The following SPATA7 variants were observed in gnomAD, a reference collection of about 807,000 sequenced individuals.
The protein encoded by SPATA7 is spermatogenesis-associated protein 7.
A neutral mutation model predicts 51.8 loss-of-function variants in SPATA7; 43 were observed. The observed-to-expected ratio is 0.83, with a 90% CI of 0.65 to 1.07. SPATA7 has a LOEUF of 1.07. Among genes scored for constraint, SPATA7 ranks in the 50% least tolerant of loss-of-function variants. The pLI is 0.00. For synonymous variants in SPATA7, 230 were observed against 252.8 expected (o/e 0.91, Z 0.86); for missense variants, 683 against 701.3 (o/e 0.97, Z 0.30).
intron 3 of SPATA7, among the ~76,000 whole-genome samples, chr14:88,447,564 A>C (rs542737744): frequency 6.6e-6 from 1 of 152,214 alleles, no homozygotes; most frequent in East Asian, 1.9e-4. Context: ...TAGTTGATGT[A>C]GTTTCTTCGT....
In SPATA7 at chr14:88,430,624, A is replaced by C. The variant is rs771568390; in HGVS notation, c.1029-548A>C. ...ATACATTAACCTTAGTCAAATTGTC[A>C]TTGTTTATACTAGAGAAGTGCCGTA... On this transcript the variant is annotated intron_variant, in intron 8 of 11. Coordinates refer to ENST00000393545, the MANE Select transcript of SPATA7 (RefSeq NM_018418.5). Among the ~76,000 whole-genome samples, 4 of 152,266 alleles carry C rather than the reference A, an allele frequency of 2.6e-5. No individual in the cohort carries two copies. The East Asian group carries it at 7.7e-4, about 29-fold the overall frequency.
In SPATA7 at chr14:88,385,662, A is replaced by T. The variant is rs2139845234; in HGVS notation, c.-157A>T. 1 of 746,102 alleles carries T rather than the reference A, an allele frequency of 1.3e-6. No homozygotes were observed. The highest frequency in any genetic ancestry group is 2.7e-5 in the East Asian group (1 of 37,370). 46.2% of individuals were successfully genotyped at this position (746,102 alleles called of 1,614,324 possible). ...TGACGTCACAATAGCGACTCACTGGACCCAGCCCTTAGCAACGGCCTGGCA... is the reference window on the plus strand; with the variant it reads ...TGACGTCACAATAGCGACTCACTGGTCCCAGCCCTTAGCAACGGCCTGGCA... On this transcript the variant is annotated 5_prime_UTR_variant, in exon 1 of 12. Transcript: ENST00000393545.
At position 88,396,879 on chromosome 14, in the gene SPATA7, T is replaced by TTTC. The variant is rs568894042; in HGVS notation, c.238+678_238+679insCTT. ...TTTTCTTTTCTTTTCTTTTTTCTTT[T>TTTC]TTTTTTTTTGAGACAGGGTCTCACT... On this transcript the variant is annotated intron_variant, in intron 4 of 11. Transcript: ENST00000393545. Among the ~76,000 whole-genome samples the TTTC allele has an allele frequency of 1.5e-3, 219 of 150,618 alleles. 1 individual carries two copies. Among genetic ancestry groups the TTTC allele is most frequent in the Middle Eastern group, 3.4e-3 (1 of 294 alleles).
intron 4 of SPATA7, among the ~76,000 whole-genome samples, chr14:88,412,050 A>G (rs1315798779): frequency 6.6e-6 from 1 of 152,172 alleles, no homozygotes; most frequent in Non-Finnish European, 1.5e-5. Context: ...CTTCTTAGTA[A>G]TAGCCATTCT....
chr14:88,451,869 C>T (rs966357000), intron 3 of SPATA7, among the ~76,000 whole-genome samples: 1 of 152,136 alleles, frequency 6.6e-6, no homozygotes. Flanking sequence ...TTACCTTTCT[C>T]TGGTGCCTCC....
At chr14:88,427,087 A>G (rs1380232657) in intron 6 of SPATA7, among the ~76,000 whole-genome samples, 2 of 152,192 alleles carry the variant, frequency 1.3e-5, no homozygotes, top group Non-Finnish European at 2.9e-5. Flanking sequence ...AGGGGAAGAA[A>G]CTAACCCTTT....
At chr14:88,431,446 C>T (rs1447477431) in intron 9 of SPATA7, among the ~76,000 whole-genome samples, 1 of 152,062 alleles carries the variant, frequency 6.6e-6, no homozygotes, top group East Asian at 1.9e-4. Flanking sequence ...AACATTTTAT[C>T]ATTTCTTTGT....
chr14:88,398,636 A>G lies in SPATA7; in HGVS notation c.238+2433A>G, dbSNP rs987590808. ...CTAAAACTTAAAGTATAATAATAAAATTTTAAAAAAAGATAAAAAAAAATC... is the reference window on the plus strand; with the variant it reads ...CTAAAACTTAAAGTATAATAATAAAGTTTTAAAAAAAGATAAAAAAAAATC... On this transcript the variant is annotated intron_variant, in intron 4 of 11. Transcript: ENST00000393545. 6.1e-3 allele frequency among the ~76,000 whole-genome samples: 107 copies of G among 17,464 alleles called. 2 individuals carry two copies. The highest frequency in any genetic ancestry group is 0.014 in the Non-Finnish European group (13 of 916). 11.5% of individuals were successfully genotyped at this position (17,464 alleles called of 152,430 possible).
At position 88,437,554 on chromosome 14, in the gene SPATA7, G is replaced by T; in HGVS notation, c.1172G>T (p.Arg391Leu). The change falls in exon 11 of 12, where the codon CGA becomes CTA. Residue 391 changes from arginine (R) to leucine (L), a missense_variant. Physicochemically the swap from Arg to Leu is moderately radical, Grantham distance 102. Transcript: ENST00000393545. The stretch of plus-strand genomic sequence containing the variant: ...TTTATCATTTGTAGGTTTTTAGAAC[G>T]ACTGTTCGAGCGACATATAAAACAA... ...LGLFSNRFLE[R>L]LFERHIKQNK... is the part of the protein sequence containing the mutation. 1 of 1,610,270 alleles carries T rather than the reference G, an allele frequency of 6.2e-7. No homozygotes were observed. The highest frequency in any genetic ancestry group is 1.1e-5 in the South Asian group (1 of 90,392).
chr14:88,434,786 T>C (rs1361369418), intron 10 of SPATA7, among the ~76,000 whole-genome samples: 1 of 151,730 alleles, frequency 6.6e-6, no homozygotes, highest in Non-Finnish European at 1.5e-5. Context: ...TACAAATGAA[T>C]AGAAAAAATG....
chr14:88,394,448 G>A (rs924622353), intron 3 of SPATA7, among the ~76,000 whole-genome samples: 6 of 152,102 alleles, frequency 3.9e-5, no homozygotes, highest in African/African-American at 1.4e-4. Context: ...TTATCTTAAT[G>A]ATCTTGAGAC....
intron 4 of SPATA7, among the ~76,000 whole-genome samples, chr14:88,407,591 T>G (rs1033716510): frequency 2.6e-5 from 4 of 152,234 alleles, no homozygotes; most frequent in African/African-American, 7.2e-5. Context: ...TCTTTTGCTG[T>G]GCAGAAGCTC....
chr14:88,443,445 G>A (rs190562642), downstream of SPATA7, among the ~76,000 whole-genome samples: 16 of 151,720 alleles, frequency 1.1e-4, no homozygotes, highest in Admixed American at 2.6e-4. Context: ...TGTGGTATCG[G>A]TTGTAATATG....
At chr14:88,390,459 C>A (rs552905366) in intron 1 of SPATA7, among the ~76,000 whole-genome samples, 25 of 152,278 alleles carry the variant, frequency 1.6e-4, no homozygotes, top group African/African-American at 5.8e-4. Flanking sequence ...TTAGACCCTT[C>A]ACTGGGTTTA....
chr14:88,387,860 C>G (rs533225833), intron 1 of SPATA7, among the ~76,000 whole-genome samples: 1 of 152,138 alleles, frequency 6.6e-6, no homozygotes, highest in South Asian at 2.1e-4. Context: ...TAACAAACTG[C>G]CATTCACTCT....
chr14:88,433,362 A>G (rs2076990966), intron 10 of SPATA7, 150 bp downstream of exon 10: 1 of 631,896 alleles, frequency 1.6e-6, no homozygotes, highest in Non-Finnish European at 2.7e-6. Context: ...ATTATAATTG[A>G]TAGCAAGTTG....
chr14:88,398,396 G>A (rs2075957656), intron 4 of SPATA7, among the ~76,000 whole-genome samples: 2 of 147,232 alleles, frequency 1.4e-5, no homozygotes, highest in African/African-American at 2.5e-5. Context: ...ACTAAACACC[G>A]CATATTCTCA....
chr14:88,456,953 G>C (rs888535237), downstream of SPATA7, among the ~76,000 whole-genome samples: 2 of 152,094 alleles, frequency 1.3e-5, no homozygotes, highest in East Asian at 1.9e-4. Context: ...GGCTAGCAAG[G>C]TTTCCCAGCA....
intron 3 of SPATA7, among the ~76,000 whole-genome samples, chr14:88,445,584 CCA>C (rs1290216530): frequency 6.6e-6 from 1 of 150,414 alleles, no homozygotes; most frequent in Non-Finnish European, 1.5e-5. Context: ...GGGAATGCTT[CCA>C]GTTTTTGCCC....
Sources: allele counts gnomAD v4.1 joint callset (sites outside exome capture counted in the v4.1 genomes callset), GRCh38; gene constraint gnomAD v4.1.1; transcripts MANE v1.5; gene names NCBI Gene and HGNC (gene_info 2026-07-23, HGNC 2026-07-21).